PSG8: variants seen among roughly 807,000 people sequenced by gnomAD.
PSG8 encodes pregnancy-specific beta-1-glycoprotein 8.
A neutral mutation model predicts 42.5 loss-of-function variants in PSG8; 57 were observed. That is an observed-to-expected ratio of 1.34 (90% CI 1.08 to 1.67). The LOEUF is 1.67. Ranked by LOEUF, PSG8 falls within the 40% of genes most tolerant of loss-of-function variation. The pLI is 0.00. For missense variants in PSG8, 783 were observed against 518.6 expected, an observed-to-expected ratio of 1.51 and a Z score of -4.95; for synonymous variants, 280 against 196.8, an observed-to-expected ratio of 1.42 and a Z score of -3.54.
Position 42,758,024 on chromosome 19 carries a change from G to T in PSG8, c.687C>A (p.Asp229Glu), listed in dbSNP as rs1344607151. ...IRNPVSASRSDPFTLNLLPKL... is the reference protein window; with the variant it reads ...IRNPVSASRSEPFTLNLLPKL... ...CACGGAGGAGATTCAGGGTGAATGG[G>T]TCACTGCGGCTGGCACTCACTGGGT... is the stretch of plus-strand genomic sequence containing the variant. The change falls in exon 3 of 5, where the codon GAC becomes GAA. Residue 229 changes from aspartate (D) to glutamate (E), a missense_variant. Asp to Glu is a conservative substitution (Grantham distance 45). Coordinates refer to ENST00000306511, the MANE Select transcript of PSG8 (RefSeq NM_182707.3). The T allele has an allele frequency of 8.7e-6, 14 of 1,613,926 alleles. No homozygotes were observed. The highest frequency in any genetic ancestry group is 1.2e-5 in the Non-Finnish European group (14 of 1,179,958).
chr19:42,755,314 C>A, intron 3 of PSG8, 48 bp from the exon 4 acceptor site: 1 of 1,589,904 alleles, frequency 6.3e-7, no homozygotes, highest in South Asian at 1.1e-5. Flanking sequence ...ACCTTTGATT[C>A]CTCCACAGGC....
At chr19:42,761,662 C>G (rs993027973) in intron 2 of PSG8, among the ~76,000 whole-genome samples, 4 of 151,968 alleles carry the variant, frequency 2.6e-5, no homozygotes, top group Non-Finnish European at 5.9e-5. Flanking sequence ...ATCAGCAGTA[C>G]TTATTTTTTA....
intron 2 of PSG8, among the ~76,000 whole-genome samples, chr19:42,759,939 C>T (rs1970031274): frequency 6.6e-6 from 1 of 151,994 alleles, no homozygotes; most frequent in Admixed American, 6.6e-5. Flanking sequence ...GAGAGAGTCC[C>T]GTTAAAAGGA....
intron 2 of PSG8, among the ~76,000 whole-genome samples, chr19:42,759,791 C>T (rs986592800): frequency 2.6e-5 from 4 of 152,142 alleles, no homozygotes; most frequent in African/African-American, 7.2e-5. Context: ...ATGGTCCAAA[C>T]ATCTAAGATC....
At position 42,754,505 on chromosome 19, in the gene PSG8, G is replaced by A. The variant is rs116480924; in HGVS notation, c.1071C>T (p.Asp357=). 1.2e-5 allele frequency: 19 copies of A among 1,613,850 alleles called. No individual in the cohort carries two copies. In the East Asian group the frequency reaches 4.0e-4, roughly 34 times the overall value. The change falls in exon 5 of 5, where the codon GAC becomes GAT. Residue 357 remains aspartate (D), a synonymous_variant. Coordinates refer to ENST00000306511, the MANE Select transcript of PSG8 (RefSeq NM_182707.3). ...AAGAATACTGTGCCGGTGGGTTAGA[G>A]TCCGCAGAACAGGACAAGTAGAGGA... ...GEVLYLSCSA[D]SNPPAQYSWT...
chr19:42,757,091 G>C (rs1238189736), intron 3 of PSG8, among the ~76,000 whole-genome samples: 1 of 152,068 alleles, frequency 6.6e-6, no homozygotes, highest in Non-Finnish European at 1.5e-5. Flanking sequence ...TATTCCTTTT[G>C]ATGTTAATGT....
At chr19:42,753,872 T>A (rs1329017246), downstream of PSG8, 2 of 477,832 alleles carry the variant, frequency 4.2e-6, no homozygotes, top group South Asian at 1.7e-5. Flanking sequence ...ACATATCAAT[T>A]CTCATGAATA....
intron 3 of PSG8, 175 bp from the exon 4 acceptor site, chr19:42,755,441 T>A (rs1969900460): frequency 7.6e-7 from 1 of 1,313,872 alleles, no homozygotes; most frequent in African/African-American, 1.5e-5. Context: ...TCAAAGACTA[T>A]GAGGCCAGCT....
At position 42,763,151 on chromosome 19, in the gene PSG8, C is replaced by A. The variant is rs1225113273; in HGVS notation, c.430+765G>T. ...AATAGCATTTATTATTAATTTGCTT[C>A]CATGAGAAAGCCCCTTTGCGTCAGA... On this transcript the variant is annotated intron_variant, in intron 2 of 4. Coordinates refer to ENST00000306511, the MANE Select transcript of PSG8 (RefSeq NM_182707.3). 4.6e-5 allele frequency among the ~76,000 whole-genome samples: 7 copies of A among 152,164 alleles called. 1 individual carries two copies. Among genetic ancestry groups the A allele is most frequent in the African/African-American group, 1.4e-4 (6 of 41,434 alleles).
intron 3 of PSG8, 63 bp downstream of exon 3, chr19:42,757,939 T>C: frequency 1.9e-6 from 3 of 1,613,860 alleles, no homozygotes; most frequent in Non-Finnish European, 2.5e-6. Flanking sequence ...CTGAGAGGCC[T>C]GGTCTCTGGC....
chr19:42,755,290 T>C, intron 3 of PSG8, 24 bp from the exon 4 acceptor site: 1 of 1,595,446 alleles, frequency 6.3e-7, no homozygotes, highest in South Asian at 1.1e-5. Flanking sequence ...AGAGAGAAGA[T>C]TGTCCTGTGT....
chr19:42,761,521 A>G (rs1461878352), intron 2 of PSG8, among the ~76,000 whole-genome samples: 2 of 152,130 alleles, frequency 1.3e-5, no homozygotes, highest in East Asian at 3.9e-4. Context: ...ATTCTTTTGC[A>G]TTCTGGCAAC....
downstream of PSG8, chr19:42,752,840 A>G (rs553179997): frequency 5.1e-6 from 1 of 195,984 alleles, no homozygotes; most frequent in Admixed American, 5.3e-5. Context: ...TCTTCATAGA[A>G]ACCATCTTAT....
chr19:42,763,552 C>G, intron 2 of PSG8: 1 of 339,174 alleles, frequency 2.9e-6, no homozygotes, highest in Admixed American at 4.4e-5. Flanking sequence ...GGCTGAGCTT[C>G]TCTGAGAGTA....
At chr19:42,757,407 A>T (rs1021270732) in intron 3 of PSG8, among the ~76,000 whole-genome samples, 2 of 152,036 alleles carry the variant, frequency 1.3e-5, no homozygotes, top group African/African-American at 2.4e-5. Context: ...GATGAAACAG[A>T]CATAGACCCC....
At position 42,765,571 on chromosome 19, in the gene PSG8, A is replaced by G; in HGVS notation, c.11T>C (p.Leu4Pro). 1 of 1,610,964 alleles carries G rather than the reference A, an allele frequency of 6.2e-7. No homozygotes were observed. The highest frequency in any genetic ancestry group is 1.1e-5 in the South Asian group (1 of 91,052). Reference sequence around the variant, plus strand: ...GCGCTGTGTGCAGGGAGGGGCTGAGAGGAGCCCCATGGTCTCTGCTGTCTG... The same window carrying G: ...GCGCTGTGTGCAGGGAGGGGCTGAGGGGAGCCCCATGGTCTCTGCTGTCTG... MGLLSAPPCTQRIT... is the reference protein window; with the variant it reads MGLPSAPPCTQRIT... Residue 4 changes from leucine (L) to proline (P), a missense_variant, in exon 1 of 5, where the codon CTC (leucine) becomes CCC (proline). Physicochemically the swap from Leu to Pro is moderately conservative, Grantham distance 98 (BLOSUM62 -3). Transcript: ENST00000306511.
In PSG8 at chr19:42,763,972, A is replaced by T. The variant is rs1005433361; in HGVS notation, c.374T>A (p.Ile125Lys). ...TCCTCTATTCTCATCACCTCCCATTATGATGTGTAAGGTGTAGGATCCTGC... is the reference window on the plus strand; with the variant it reads ...TCCTCTATTCTCATCACCTCCCATTTTGATGTGTAAGGTGTAGGATCCTGC... ...EDAGSYTLHI[I>K]MGGDENRGVT... Residue 125 changes from isoleucine to lysine, a missense_variant, in exon 2 of 5, where the codon ATA (isoleucine) becomes AAA (lysine). Ile to Lys is a moderately radical substitution (Grantham distance 102). Transcript: ENST00000306511. 3 of 1,612,270 alleles carry T rather than the reference A, an allele frequency of 1.9e-6. No individual in the cohort carries two copies. Among genetic ancestry groups the T allele is most frequent in the Non-Finnish European group, 2.5e-6 (3 of 1,179,626 alleles).
chr19:42,765,431 T>C, intron 1 of PSG8, 87 bp downstream of exon 1: 2 of 1,578,380 alleles, frequency 1.3e-6, no homozygotes, highest in African/African-American at 2.7e-5. Flanking sequence ...GCTTCTTTCA[T>C]TTTTTAGTAC....
At chr19:42,758,668 A>G (rs146023590) in intron 2 of PSG8, 6,858 of 230,154 alleles carry the variant, frequency 0.03, 128 homozygotes, top group African/African-American at 0.11. Context: ...TTTGCCGCCC[A>G]AGGTATGTTT....
Sources: gnomAD v4.1 joint callset for allele counts (sites outside exome capture counted in the v4.1 genomes callset) on GRCh38, gnomAD v4.1.1 for gene constraint, MANE v1.5 for transcripts, NCBI Gene and HGNC (gene_info 2026-07-23, HGNC 2026-07-21) for gene names.